CAST: variants seen among roughly 807,000 people sequenced by gnomAD.
CAST encodes calpastatin, also known as MIR583 host.
Under a neutral mutation model 119.6 loss-of-function variants are expected in CAST, and 76 were observed. The ratio of observed to expected loss-of-function variants is 0.64; its 90% CI spans 0.53 to 0.77. The LOEUF is 0.77. CAST is among the 30% of genes least tolerant of loss of function. The pLI, the probability that CAST is intolerant of heterozygous loss-of-function variation, is 0.00. For missense variants in CAST, 953 were observed against 946.5 expected (o/e 1.01, Z -0.09); for synonymous variants, 319 against 331.6 (o/e 0.96, Z 0.41).
At chr5:96,715,703 C>A (rs1381610485) in intron 3 of CAST, among the ~76,000 whole-genome samples, 7 of 152,206 alleles carry the variant, frequency 4.6e-5, no homozygotes, top group African/African-American at 7.2e-5. Context: ...ATAGTCCCTG[C>A]CTTGTCTATG....
At chr5:96,676,937 C>T (rs1002195991) in intron 2 of CAST, among the ~76,000 whole-genome samples, 1 of 151,474 alleles carries the variant, frequency 6.6e-6, no homozygotes, top group Non-Finnish European at 1.5e-5. Flanking sequence ...ACCTGTAATC[C>T]CAGCTACTCT....
the CAST span, among the ~76,000 whole-genome samples, chr5:96,245,331 C>G: frequency 7.2e-5 from 11 of 152,330 alleles, no homozygotes; most frequent in Middle Eastern, 3.4e-3. Flanking sequence ...CTCCAAGGAG[C>G]TAGAAAGTAA....
At chr5:96,566,112 C>T (rs575410003) in intron 1 of CAST, among the ~76,000 whole-genome samples, 42 of 152,272 alleles carry the variant, frequency 2.8e-4, no homozygotes, top group Middle Eastern at 3.4e-3. Context: ...GTGACATTCT[C>T]TTATTTTACT....
At chr5:96,116,005 G>T in the CAST span, among the ~76,000 whole-genome samples, 1 of 150,382 alleles carries the variant, frequency 6.6e-6, no homozygotes, top group Non-Finnish European at 1.5e-5. Flanking sequence ...AATGAATTTT[G>T]GTAATTGTAG....
the CAST span, among the ~76,000 whole-genome samples, chr5:96,194,134 C>T: frequency 1.3e-5 from 2 of 152,154 alleles, no homozygotes; most frequent in African/African-American, 4.8e-5. Flanking sequence ...ATCTCCCTGG[C>T]TGCTTGAATA....
chr5:96,722,029 G>A (rs1006326143), intron 3 of CAST, among the ~76,000 whole-genome samples: 1 of 152,080 alleles, frequency 6.6e-6, no homozygotes, highest in African/African-American at 2.4e-5. Flanking sequence ...GTCTATTTAC[G>A]GGAGTTTTGT....
chr5:96,474,873 G>C, the CAST span, among the ~76,000 whole-genome samples: 1 of 152,152 alleles, frequency 6.6e-6, no homozygotes, highest in African/African-American at 2.4e-5. Flanking sequence ...TGTCAACATG[G>C]GGACCAGAAA....
At chr5:96,606,171 A>G (rs1254629362) in intron 1 of CAST, among the ~76,000 whole-genome samples, 1 of 148,126 alleles carries the variant, frequency 6.8e-6, no homozygotes, top group African/African-American at 2.5e-5. Context: ...CAACAACAAC[A>G]AAAAAAAAAC....
At chr5:96,658,414 C>CTCAG (rs1282455219), upstream of CAST, among the ~76,000 whole-genome samples, 1 of 152,242 alleles carries the variant, frequency 6.6e-6, no homozygotes, top group South Asian at 2.1e-4. Context: ...TGGCTGCCAG[C>CTCAG]TCAGGTATGT....
chr5:96,488,015 A>C, the CAST span, among the ~76,000 whole-genome samples: 5 of 152,314 alleles, frequency 3.3e-5, no homozygotes, highest in African/African-American at 1.2e-4. Flanking sequence ...ATTTTATACA[A>C]TGTGACTAAC....
upstream of CAST, among the ~76,000 whole-genome samples, chr5:96,528,622 C>G (rs1745636906): frequency 6.6e-6 from 1 of 152,152 alleles, no homozygotes; most frequent in African/African-American, 2.4e-5. Context: ...AAGACAAGAT[C>G]TGATTACTAC....
the CAST span, among the ~76,000 whole-genome samples, chr5:96,293,424 C>T: frequency 7.2e-5 from 11 of 151,940 alleles, no homozygotes; most frequent in African/African-American, 2.7e-4. Flanking sequence ...ATTACAGGCA[C>T]CCACCACCAC....
intron 1 of CAST, among the ~76,000 whole-genome samples, chr5:96,630,672 G>C (rs545060376): frequency 6.6e-6 from 1 of 152,124 alleles, no homozygotes; most frequent in Non-Finnish European, 1.5e-5. Flanking sequence ...TGTAATCCCA[G>C]CTACTTGGGA....
rs1458652329 is a variant in CAST at position 96,730,835 on chromosome 5, C to A, written c.605C>A (p.Ala202Glu). Residue 202 changes from alanine to glutamate, a missense_variant, in exon 9 of 32, where the codon GCA becomes GAA. Physicochemically the swap from Ala to Glu is moderately radical, Grantham distance 107. Transcript: ENST00000675179. The part of the protein sequence containing the change: ...AGGESVAGIT[A>E]ISGKPGDKKK... ...GGAGAGAGTGTTGCTGGTATCACTGCAATATCTGGCAAGCCGGGTGACAAG... is the reference window on the plus strand; with the variant it reads ...GGAGAGAGTGTTGCTGGTATCACTGAAATATCTGGCAAGCCGGGTGACAAG... 6.2e-7 allele frequency: 1 copy of A among 1,613,570 alleles called. No individual in the cohort carries two copies. The highest frequency in any genetic ancestry group is 1.3e-5 in the African/African-American group (1 of 74,900).
At chr5:96,641,570 T>A (rs1400033393) in intron 1 of CAST, among the ~76,000 whole-genome samples, 2 of 152,044 alleles carry the variant, frequency 1.3e-5, no homozygotes, top group Non-Finnish European at 2.9e-5. Flanking sequence ...GAGGATGGAG[T>A]TTAGACCCTT....
At chr5:95,987,241 T>C in the CAST span, among the ~76,000 whole-genome samples, 2 of 152,178 alleles carry the variant, frequency 1.3e-5, no homozygotes, top group Non-Finnish European at 2.9e-5. Flanking sequence ...TAGCCTCTCT[T>C]GGTTTCATAC....
intron 1 of CAST, among the ~76,000 whole-genome samples, chr5:96,632,958 T>A (rs562114445): frequency 3.9e-5 from 6 of 152,184 alleles, no homozygotes; most frequent in South Asian, 2.1e-4. Flanking sequence ...GTCATTTTTT[T>A]AAAGTTTTTG....
the CAST span, among the ~76,000 whole-genome samples, chr5:95,988,267 T>C: frequency 1.5e-3 from 234 of 152,326 alleles, no homozygotes; most frequent in African/African-American, 4.8e-3. Flanking sequence ...CCACCAGTTC[T>C]GGGGCTACAC....
the CAST span, among the ~76,000 whole-genome samples, chr5:96,352,886 A>G: frequency 3.3e-5 from 5 of 152,240 alleles, no homozygotes; most frequent in South Asian, 8.3e-4. Context: ...TCCTGCTGCC[A>G]TGTAAGATGT....
Sources: gnomAD v4.1 joint callset for allele counts (sites outside exome capture counted in the v4.1 genomes callset) on GRCh38, gnomAD v4.1.1 for gene constraint, MANE v1.5 for transcripts, NCBI Gene and HGNC (gene_info 2026-07-23, HGNC 2026-07-21) for gene names.